Variants in PRRC2B observed in about 807,000 individuals in gnomAD.
The protein encoded by PRRC2B is proline rich coiled-coil 2B, also known as protein PRRC2B.
Under a neutral mutation model 242.3 loss-of-function variants are expected in PRRC2B, and 68 were observed. That is an observed-to-expected ratio of 0.28 (90% CI 0.23 to 0.34). The LOEUF (loss-of-function observed/expected upper bound fraction) is 0.34, where lower values mean the gene tolerates loss of function less well. PRRC2B is among the 10% of genes least tolerant of loss of function. The pLI is 1.00. For missense variants in PRRC2B, 2,835 were observed against 2,954.8 expected, an observed-to-expected ratio of 0.96 and a Z score of 0.94; for synonymous variants, 1,228 against 1,173.6, an observed-to-expected ratio of 1.05 and a Z score of -0.95.
At chr9:131,415,229 A>T (rs1837617078) in intron 1 of PRRC2B, among the ~76,000 whole-genome samples, 1 of 152,120 alleles carries the variant, frequency 6.6e-6, no homozygotes, top group African/African-American at 2.4e-5. Context: ...TCCGGACCTC[A>T]GGTGATCCAC....
Position 131,485,110 on chromosome 9 carries a change from G to T in PRRC2B, c.5728G>T (p.Ala1910Ser). ...GGVSMPPMPV[A>S]SVAPSASMPG... ...AGTGTCCATGCCACCCATGCCTGTGGCCTCTGTAGCACCTTCTGCTTCTAT... is the reference window on the plus strand; with the variant it reads ...AGTGTCCATGCCACCCATGCCTGTGTCCTCTGTAGCACCTTCTGCTTCTAT... Residue 1910 changes from alanine (A) to serine (S), a missense_variant, in exon 25 of 32, where the codon GCC becomes TCC. Ala to Ser is a moderately conservative substitution (Grantham distance 99). Transcript: ENST00000683519. 1.3e-6 allele frequency: 2 copies of T among 1,598,528 alleles called. No individual in the cohort carries two copies. Among genetic ancestry groups the T allele is most frequent in the Non-Finnish European group, 1.7e-6 (2 of 1,171,892 alleles).
chr9:131,478,635 T>TGGGGGGGGGAGGGGG lies in PRRC2B; in HGVS notation c.4758+23_4758+24insGGAGGGGGGGGGGGG. On this transcript the variant is annotated intron_variant, in intron 18 of 31. Coordinates refer to ENST00000683519, the MANE Select transcript of PRRC2B (RefSeq NM_013318.4). Reference sequence around the variant, plus strand: ...GGCCGTGCAGGTGAGGGGCGGAGGGTGGGGGGGCATGGGGCTGGAGGGCAG... The same window carrying TGGGGGGGGGAGGGGG: ...GGCCGTGCAGGTGAGGGGCGGAGGGTGGGGGGGGGAGGGGGGGGGGGGCATGGGGCTGGAGGGCAG... 1.1e-5 allele frequency: 2 copies of TGGGGGGGGGAGGGGG among 176,696 alleles called. No individual in the cohort carries two copies. The highest frequency in any genetic ancestry group is 1.2e-4 in the East Asian group (1 of 8,672). The allele number at this position is 176,696 out of a possible 1,614,324, so 10.9% of individuals were successfully genotyped here.
At chr9:131,429,103 T>C (rs1475003131) in intron 1 of PRRC2B, among the ~76,000 whole-genome samples, 1 of 152,206 alleles carries the variant, frequency 6.6e-6, no homozygotes, top group Non-Finnish European at 1.5e-5. Context: ...CCTGCCACCA[T>C]GCCTGGCTAA....
upstream of PRRC2B, among the ~76,000 whole-genome samples, chr9:131,393,422 C>G (rs577922537): frequency 5.9e-5 from 9 of 152,320 alleles, no homozygotes; most frequent in African/African-American, 2.2e-4. Context: ...GACAGGAGTG[C>G]AGTCTCCCGG....
chr9:131,402,907 A>C (rs1385618943), intron 1 of PRRC2B, among the ~76,000 whole-genome samples: 1 of 152,190 alleles, frequency 6.6e-6, no homozygotes, highest in Non-Finnish European at 1.5e-5. Flanking sequence ...AGTGGCCAGC[A>C]GGGAGGAGGG....
At chr9:131,469,997 T>G (rs1943496201) in intron 13 of PRRC2B, among the ~76,000 whole-genome samples, 1 of 152,034 alleles carries the variant, frequency 6.6e-6, no homozygotes, top group Non-Finnish European at 1.5e-5. Context: ...CCTGGTCTCG[T>G]CTGGGGGTTA....
chr9:131,409,690 G>A lies in PRRC2B; in HGVS notation c.-52+15427G>A, dbSNP rs114431043. ...TGAGGTAAGAGCTGCTCCAGGCTTC[G>A]TATTCCACGCAGACCCATCCAGTGC... On this transcript the variant is annotated intron_variant, in intron 1 of 31. Coordinates refer to ENST00000683519, the MANE Select transcript of PRRC2B (RefSeq NM_013318.4). Among the ~76,000 whole-genome samples, 635 of 152,292 alleles carry A rather than the reference G, an allele frequency of 4.2e-3. 6 individuals are homozygous for A. The highest frequency in any genetic ancestry group is 0.015 in the African/African-American group (605 of 41,556).
chr9:131,446,971 G>A lies in PRRC2B; in HGVS notation c.856-114G>A. 2.2e-6 allele frequency: 3 copies of A among 1,374,482 alleles called. No homozygotes were observed. In the South Asian group the frequency reaches 4.1e-5, roughly 19 times the overall value. The allele number at this position is 1,374,482 out of a possible 1,614,324, so 85.1% of individuals were successfully genotyped here. On this transcript the variant is annotated intron_variant, in intron 7 of 31. Transcript: ENST00000683519. This position sits in a 1 kb window ranked among gnomAD's most constrained non-coding sequence, Gnocchi z 4.1. ...GGTAGGATTAATTAGGAAACCCCAT[G>A]ACTTTCCTGTTTCTTTTTCCCATTT...
chr9:131,439,784 A>G (rs1838496732), intron 5 of PRRC2B, among the ~76,000 whole-genome samples: 2 of 152,182 alleles, frequency 1.3e-5, no homozygotes, highest in Admixed American at 1.3e-4. Flanking sequence ...TGCCAGCAGG[A>G]GTGCAGTGGC....
rs768699192 is a variant in PRRC2B at position 131,444,342 on chromosome 9, G to A, written c.613+14G>A. 2.5e-6 allele frequency: 4 copies of A among 1,608,526 alleles called. No homozygotes were observed. The South Asian group carries it at 4.4e-5, about 18-fold the overall frequency. On this transcript the variant is annotated intron_variant, in intron 6 of 31. Transcript: ENST00000683519. The stretch of plus-strand genomic sequence containing the variant: ...TCCGCCCTCAGAGTAAGTGACTGCA[G>A]CCTCTGGGCACTCGATGGAGTAACA...
Position 131,499,956 on chromosome 9 carries a change from T to C in PRRC2B, c.*4082T>C, listed in dbSNP as rs1944422642. 6.6e-6 allele frequency: 1 copy of C among 152,208 alleles called. No homozygotes were observed. Among genetic ancestry groups the C allele is most frequent in the South Asian group, 2.1e-4 (1 of 4,834 alleles). The allele number at this position is 152,208 out of a possible 1,614,324, so 9.4% of individuals were successfully genotyped here. ...TTTGTCTTTCCATGTAGACCAGATA[T>C]TTGAAAGGGCAGACGATGGCTAGAG... is the stretch of plus-strand genomic sequence containing the variant. On this transcript the variant is annotated 3_prime_UTR_variant, in exon 32 of 32. Coordinates refer to ENST00000683519, the MANE Select transcript of PRRC2B (RefSeq NM_013318.4).
chr9:131,388,716 G>A (rs907618709), intron 1 of PRRC2B, among the ~76,000 whole-genome samples: 1 of 149,184 alleles, frequency 6.7e-6, no homozygotes, highest in African/African-American at 2.4e-5. Flanking sequence ...GCTAATTTTT[G>A]TATTTTTAAT....
chr9:131,489,973 C>G (rs1404495643), intron 28 of PRRC2B, among the ~76,000 whole-genome samples: 1 of 152,038 alleles, frequency 6.6e-6, no homozygotes, highest in Non-Finnish European at 1.5e-5. Flanking sequence ...CTGTAATGGT[C>G]AGCATGCCCG....
rs1220251560 is a variant in PRRC2B at position 131,473,542 on chromosome 9, C to G, written c.2142C>G (p.Leu714=). The change falls in exon 15 of 32, where the codon CTC becomes CTG. Residue 714 remains leucine (L), a synonymous_variant. Transcript: ENST00000683519. ...LMKPMMPQES[L]NGTGCRSEDQ... is the part of the protein sequence containing the mutation. Reference sequence around the variant, plus strand: ...AGCCCATGATGCCCCAGGAGTCCCTCAATGGGACAGGCTGTCGCTCTGAGG... The same window carrying G: ...AGCCCATGATGCCCCAGGAGTCCCTGAATGGGACAGGCTGTCGCTCTGAGG... The G allele has an allele frequency of 6.2e-7, 1 of 1,608,228 alleles. No homozygotes were observed. The highest frequency in any genetic ancestry group is 1.3e-5 in the African/African-American group (1 of 74,736).
intron 1 of PRRC2B, among the ~76,000 whole-genome samples, chr9:131,376,896 A>G (rs1056085605): frequency 1.9e-4 from 29 of 152,086 alleles, no homozygotes; most frequent in African/African-American, 6.0e-4. Flanking sequence ...AATCCCAGGT[A>G]CTCGAGACAC....
rs769186616 is a variant in PRRC2B, at chr9:131,475,117, C to T, written c.2988C>T (p.Ala996=). 2.5e-6 allele frequency: 4 copies of T among 1,611,820 alleles called. No individual in the cohort carries two copies. In the African/African-American group the frequency reaches 5.3e-5, roughly 22 times the overall value. ...ACGAAGAGAACGATGCCTCTCTGGC[C>T]AACTCCTCCACCACCACTTTGGAGG... is the stretch of plus-strand genomic sequence containing the variant. ...DEDEENDASL[A]NSSTTTLEDK... Residue 996 remains alanine, a synonymous_variant, in exon 16 of 32, where the codon GCC becomes GCT. Transcript: ENST00000683519.
At chr9:131,485,524 G>T in intron 25 of PRRC2B, 1 of 480,226 alleles carries the variant, frequency 2.1e-6, no homozygotes, top group Non-Finnish European at 4.1e-6. Flanking sequence ...CACCCGTGAG[G>T]CCAGGTCTTA....
At chr9:131,479,499 T>G in intron 19 of PRRC2B, 106 bp downstream of exon 19, 16 of 1,066,928 alleles carry the variant, frequency 1.5e-5, no homozygotes, top group Non-Finnish European at 2.1e-5. Flanking sequence ...ATAGATGGAA[T>G]ACAGATGGAG....
rs1022142656 is a variant in PRRC2B at position 131,484,311 on chromosome 9, A to G, written c.5461-375A>G. Among the ~76,000 whole-genome samples the G allele has an allele frequency of 1.9e-4, 29 of 152,154 alleles. 1 individual carries two copies. The highest frequency in any genetic ancestry group is 8.3e-4 in the South Asian group (4 of 4,832). Reference sequence around the variant, plus strand: ...ATGTTTGTGTGCGGGCTGCCAGTCCATATTTATACTGCCGGGACATGGCTC... The same window carrying G: ...ATGTTTGTGTGCGGGCTGCCAGTCCGTATTTATACTGCCGGGACATGGCTC... On this transcript the variant is annotated intron_variant, in intron 23 of 31. Transcript: ENST00000683519.
Sources: allele counts gnomAD v4.1 joint callset (sites outside exome capture counted in the v4.1 genomes callset), GRCh38; gene constraint gnomAD v4.1.1; non-coding constraint Gnocchi (gnomAD v3.1); transcripts MANE v1.5; gene names NCBI Gene and HGNC (gene_info 2026-07-23, HGNC 2026-07-21).